ARHGAP42: variants seen among roughly 807,000 people sequenced by gnomAD.
The protein encoded by ARHGAP42 is Rho GTPase activating protein 42, also known as rho GTPase-activating protein 42.
A neutral mutation model predicts 125.0 loss-of-function variants in ARHGAP42; 63 were observed. That is an observed-to-expected ratio of 0.50 (90% CI 0.41 to 0.62). The LOEUF is 0.62. Ranked by LOEUF, ARHGAP42 falls within the 20% of genes least tolerant of loss-of-function variation. ARHGAP42 has a pLI of 0.00. For synonymous variants in ARHGAP42, 339 were observed against 351.0 expected (o/e 0.97, Z 0.38); for missense variants, 766 against 1,024.2 (o/e 0.75, Z 3.44).
intron 3 of ARHGAP42, among the ~76,000 whole-genome samples, chr11:100,805,081 A>T (rs866301594): frequency 2.6e-4 from 40 of 152,246 alleles, no homozygotes; most frequent in African/African-American, 9.2e-4. Flanking sequence ...TGTTTCAACT[A>T]ATTTAATATG....
chr11:100,952,139 G>C (rs897775013), intron 12 of ARHGAP42, among the ~76,000 whole-genome samples: 2 of 152,086 alleles, frequency 1.3e-5, no homozygotes, highest in African/African-American at 4.8e-5. Context: ...CTTGAAGCCT[G>C]TTTTTAATCA....
intron 22 of ARHGAP42, among the ~76,000 whole-genome samples, chr11:100,987,294 CAAG>C (rs1858703914): frequency 6.6e-6 from 1 of 152,166 alleles, no homozygotes; most frequent in South Asian, 2.1e-4. Flanking sequence ...CCTAGAAACA[CAAG>C]AAAGGTTTCT....
In ARHGAP42 at chr11:100,989,947, C is replaced by A. The variant is rs1249008184; in HGVS notation, c.*1146C>A. The stretch of plus-strand genomic sequence containing the variant: ...GAGGTTGAAATTGTTTTGTGATCTT[C>A]AGCAGAAATAAAATCTGTACATGAT... On this transcript the variant is annotated 3_prime_UTR_variant, in exon 24 of 24. Transcript: ENST00000298815. The A allele has an allele frequency of 6.6e-6, 1 of 152,102 alleles. No individual in the cohort carries two copies. The highest frequency in any genetic ancestry group is 1.5e-5 in the Non-Finnish European group (1 of 68,016). 9.4% of individuals were successfully genotyped at this position (152,102 alleles called of 1,614,324 possible).
chr11:100,721,448 C>T (rs946656771), intron 1 of ARHGAP42, among the ~76,000 whole-genome samples: 5 of 151,862 alleles, frequency 3.3e-5, no homozygotes, highest in Non-Finnish European at 5.9e-5. Context: ...AATGCATATT[C>T]CATGACTTGA....
chr11:100,980,933 T>TA (rs1858528550), intron 22 of ARHGAP42, among the ~76,000 whole-genome samples: 1 of 152,154 alleles, frequency 6.6e-6, no homozygotes, highest in African/African-American at 2.4e-5. Flanking sequence ...TTAGTGGGGA[T>TA]CAGCATAAAC....
chr11:100,886,041 T>C (rs1028336469), intron 4 of ARHGAP42, among the ~76,000 whole-genome samples: 1 of 152,342 alleles, frequency 6.6e-6, no homozygotes, highest in East Asian at 1.9e-4. Flanking sequence ...CTCTTGGATG[T>C]GCTCAGACCC....
At chr11:100,859,926 A>G in intron 4 of ARHGAP42, 1 of 211,162 alleles carries the variant, frequency 4.7e-6, no homozygotes. Flanking sequence ...TAAATAAAAT[A>G]AAAATTAGGC....
At chr11:100,987,322 C>G (rs1565308689) in intron 22 of ARHGAP42, among the ~76,000 whole-genome samples, 191 bp from the exon 23 acceptor site, 4 of 152,126 alleles carry the variant, frequency 2.6e-5, no homozygotes, top group Non-Finnish European at 4.4e-5. Context: ...TGCTAGTAAT[C>G]CTTGATTTCT....
intron 4 of ARHGAP42, among the ~76,000 whole-genome samples, chr11:100,901,393 G>C (rs1250718512): frequency 6.6e-6 from 1 of 152,200 alleles, no homozygotes; most frequent in African/African-American, 2.4e-5. Context: ...GAGGCAGTCT[G>C]TCTGTTCTCA....
intron 17 of ARHGAP42, among the ~76,000 whole-genome samples, chr11:100,972,734 A>G (rs1858282785): frequency 6.6e-6 from 1 of 152,198 alleles, no homozygotes; most frequent in Non-Finnish European, 1.5e-5. Flanking sequence ...CGATAGGAAT[A>G]TCTGACTTAC....
rs147469248 is a variant in ARHGAP42 at position 100,992,324 on chromosome 11, T to C, written c.*3523T>C. On this transcript the variant is annotated 3_prime_UTR_variant, in exon 24 of 24. Transcript: ENST00000298815. ...AGCTGTTAGCATGACCTCACATCAC[T>C]GCGTAGGACCCGGAAATCACATCTC... 867 of 1,605,828 alleles carry C rather than the reference T, an allele frequency of 5.4e-4. 6 individuals carry two copies. The highest frequency in any genetic ancestry group is 1.7e-3 in the South Asian group (148 of 89,250).
chr11:100,910,356 T>C (rs941857562), intron 4 of ARHGAP42, among the ~76,000 whole-genome samples: 1 of 152,174 alleles, frequency 6.6e-6, no homozygotes, highest in African/African-American at 2.4e-5. Flanking sequence ...CTCATCTTTT[T>C]TCCATCGAGA....
rs1565537095 is a variant in ARHGAP42, at chr11:100,710,543, T to TTTG, written c.154+22713_154+22714insGTT. Among the ~76,000 whole-genome samples the TTTG allele has an allele frequency of 2.3e-5, 3 of 127,816 alleles. 1 individual carries two copies. The highest frequency in any genetic ancestry group is 6.6e-5 in the African/African-American group (2 of 30,260). 83.9% of individuals were successfully genotyped at this position (127,816 alleles called of 152,430 possible). ...GCCACTGCGCCCGGCCAGCAGTTTT[T>TTTG]TTTTTTTTTTTTTTGAGACAGAGTC... On this transcript the variant is annotated intron_variant, in intron 1 of 23. Transcript: ENST00000298815.
At chr11:100,863,981 C>T (rs565108676) in intron 4 of ARHGAP42, among the ~76,000 whole-genome samples, 8 of 152,236 alleles carry the variant, frequency 5.3e-5, no homozygotes, top group Non-Finnish European at 1.2e-4. Context: ...TTTGCATCAA[C>T]CAAATAATAT....
At chr11:100,728,251 G>A (rs1389922544) in intron 1 of ARHGAP42, among the ~76,000 whole-genome samples, 1 of 152,138 alleles carries the variant, frequency 6.6e-6, no homozygotes, top group African/African-American at 2.4e-5. Flanking sequence ...GTTGGCTATC[G>A]AAAAGGCCAC....
chr11:100,757,200 A>G (rs1057126121), intron 1 of ARHGAP42, among the ~76,000 whole-genome samples: 1 of 152,234 alleles, frequency 6.6e-6, no homozygotes, highest in Non-Finnish European at 1.5e-5. Context: ...TTTGCTACTT[A>G]GCTAAATCCA....
intron 3 of ARHGAP42, among the ~76,000 whole-genome samples, chr11:100,823,441 A>G (rs1864446887): frequency 6.6e-6 from 1 of 152,092 alleles, no homozygotes; most frequent in South Asian, 2.1e-4. Flanking sequence ...GGTAGAAATC[A>G]TGTGACATAG....
At chr11:100,902,162 A>G (rs550556685) in intron 4 of ARHGAP42, among the ~76,000 whole-genome samples, 45 of 152,334 alleles carry the variant, frequency 3.0e-4, no homozygotes, top group African/African-American at 1.1e-3. Context: ...AATGACCAAA[A>G]CACTTTAACC....
At chr11:100,851,461 T>G (rs1483498898) in intron 3 of ARHGAP42, among the ~76,000 whole-genome samples, 1 of 152,184 alleles carries the variant, frequency 6.6e-6, no homozygotes, top group Non-Finnish European at 1.5e-5. Context: ...TGCAATACAT[T>G]ACGTGTTTCT....
Sources: allele counts gnomAD v4.1 joint callset (sites outside exome capture counted in the v4.1 genomes callset), GRCh38; gene constraint gnomAD v4.1.1; transcripts MANE v1.5; gene names NCBI Gene and HGNC (gene_info 2026-07-23, HGNC 2026-07-21).